Variants in JMY observed in about 807,000 individuals in gnomAD.
The protein encoded by JMY is junction-mediating and -regulatory protein.
In JMY, 46 loss-of-function variants were observed where a neutral mutation model predicts 103.3. The ratio of observed to expected loss-of-function variants is 0.45; its 90% CI spans 0.35 to 0.57. JMY has a LOEUF of 0.57. Among genes scored for constraint, JMY ranks in the 20% least tolerant of loss-of-function variants. The pLI is 0.00. For synonymous variants in JMY, 526 were observed against 489.3 expected, an observed-to-expected ratio of 1.07 and a Z score of -0.99; for missense variants, 1,238 against 1,255.2, an observed-to-expected ratio of 0.99 and a Z score of 0.21.
intron 7 of JMY, among the ~76,000 whole-genome samples, 179 bp downstream of exon 7, chr5:79,306,640 A>G (rs1257768201): frequency 6.6e-6 from 1 of 152,044 alleles, no homozygotes; most frequent in Admixed American, 6.6e-5. Context: ...TATACCCTCA[A>G]CCCGCACACG....
chr5:79,236,335 C>G lies in JMY; in HGVS notation c.-316C>G. ...CCGGAGCGCCGCAGACGCAGCTCCA[C>G]GGCCTCGCGCGGGGGGCGGCGGGCG... On this transcript the variant is annotated 5_prime_UTR_variant, in exon 1 of 11. Coordinates refer to ENST00000396137, the MANE Select transcript of JMY (RefSeq NM_152405.5). 4.6e-6 allele frequency: 1 copy of G among 216,714 alleles called. No homozygotes were observed. Among genetic ancestry groups the G allele is most frequent in the Non-Finnish European group, 9.0e-6 (1 of 110,610 alleles). 13.4% of individuals were successfully genotyped at this position (216,714 alleles called of 1,614,324 possible).
At chr5:79,268,365 A>G (rs1745644721) in intron 1 of JMY, among the ~76,000 whole-genome samples, 2 of 151,830 alleles carry the variant, frequency 1.3e-5, no homozygotes, top group African/African-American at 2.4e-5. Flanking sequence ...ATCCTCTAGC[A>G]TTTTCTGATG....
intron 2 of JMY, among the ~76,000 whole-genome samples, chr5:79,279,713 GC>G (rs1229105595): frequency 6.6e-5 from 10 of 152,248 alleles, no homozygotes; most frequent in Non-Finnish European, 1.2e-4. Flanking sequence ...TTGGAAAATA[GC>G]TGTGCTGTCA....
intron 1 of JMY, among the ~76,000 whole-genome samples, chr5:79,252,103 T>C (rs954252273): frequency 4.6e-5 from 7 of 152,214 alleles, no homozygotes; most frequent in East Asian, 1.9e-4. Flanking sequence ...TAGGCACTTA[T>C]AGCTATAAGT....
chr5:79,258,349 CT>C (rs1253181837), intron 1 of JMY, among the ~76,000 whole-genome samples: 1 of 131,036 alleles, frequency 7.6e-6, no homozygotes, highest in Admixed American at 9.2e-5. Flanking sequence ...CTCCCTCTGG[CT>C]GGAGTACAGT....
At chr5:79,273,774 T>A (rs761181948) in intron 1 of JMY, among the ~76,000 whole-genome samples, 8 of 152,134 alleles carry the variant, frequency 5.3e-5, no homozygotes, top group Non-Finnish European at 1.0e-4. Context: ...TCTCGGGTTG[T>A]GGGGGAAGAC....
chr5:79,316,898 TA>T (rs34558016), intron 10 of JMY, among the ~76,000 whole-genome samples: 419 of 83,620 alleles, frequency 5.0e-3, no homozygotes, highest in Admixed American at 0.013. Context: ...GACTCAGTCT[TA>T]AAAAAAAAAA....
At chr5:79,292,647 C>G (rs1746456930) in intron 4 of JMY, among the ~76,000 whole-genome samples, 1 of 152,116 alleles carries the variant, frequency 6.6e-6, no homozygotes, top group Non-Finnish European at 1.5e-5. Context: ...ATTGTTCTAA[C>G]CTGGCTAACA....
intron 1 of JMY, among the ~76,000 whole-genome samples, chr5:79,275,221 C>T (rs1271850355): frequency 2.0e-5 from 3 of 146,726 alleles, no homozygotes; most frequent in African/African-American, 5.1e-5. Context: ...AGTGCAGTGG[C>T]GCGATCTCAG....
intron 4 of JMY, among the ~76,000 whole-genome samples, chr5:79,299,351 T>G (rs1173908456): frequency 6.6e-6 from 1 of 152,172 alleles, no homozygotes; most frequent in Non-Finnish European, 1.5e-5. Context: ...TTTATCTGCC[T>G]TTTTCCGTAC....
intron 1 of JMY, among the ~76,000 whole-genome samples, chr5:79,276,005 A>G (rs1348275373): frequency 6.6e-6 from 1 of 152,234 alleles, no homozygotes; most frequent in Non-Finnish European, 1.5e-5. Flanking sequence ...ATGAAAAGGA[A>G]TAGAAGAATT....
chr5:79,242,336 A>AT (rs1442465629), intron 1 of JMY, among the ~76,000 whole-genome samples: 1 of 152,190 alleles, frequency 6.6e-6, no homozygotes, highest in Admixed American at 6.5e-5. Context: ...ATGTCTTAAG[A>AT]TTTGAGTAAG....
chr5:79,263,032 C>T (rs1745471296), intron 1 of JMY, among the ~76,000 whole-genome samples: 3 of 152,148 alleles, frequency 2.0e-5, no homozygotes, highest in South Asian at 4.1e-4. Context: ...TTTGAGGGTT[C>T]GCTTACTGTT....
chr5:79,302,694 G>A (rs1365322967), intron 6 of JMY, among the ~76,000 whole-genome samples: 1 of 152,212 alleles, frequency 6.6e-6, no homozygotes, highest in African/African-American at 2.4e-5. Context: ...TAACAAGCCT[G>A]AGCTTTGTCT....
chr5:79,301,672 G>A (rs971893288), intron 6 of JMY, among the ~76,000 whole-genome samples: 2 of 152,162 alleles, frequency 1.3e-5, no homozygotes, highest in African/African-American at 2.4e-5. Context: ...GCCATCCAGA[G>A]CCCTGGCTTT....
chr5:79,296,897 G>C (rs1746579608), intron 4 of JMY, among the ~76,000 whole-genome samples: 1 of 152,100 alleles, frequency 6.6e-6, no homozygotes, highest in African/African-American at 2.4e-5. Flanking sequence ...GTCAAAATAG[G>C]TATACATGAA....
chr5:79,273,993 G>C (rs917189245), intron 1 of JMY, among the ~76,000 whole-genome samples: 3 of 151,920 alleles, frequency 2.0e-5, no homozygotes, highest in Non-Finnish European at 4.4e-5. Flanking sequence ...ACCATGCCTG[G>C]CTAATTTTTG....
chr5:79,241,016 C>T (rs1340259198), intron 1 of JMY, among the ~76,000 whole-genome samples: 1 of 152,188 alleles, frequency 6.6e-6, no homozygotes, highest in Admixed American at 6.5e-5. Flanking sequence ...GTCCTTTGGT[C>T]ACTTACAATA....
intron 2 of JMY, among the ~76,000 whole-genome samples, chr5:79,280,263 C>T (rs1746068836): frequency 6.6e-6 from 1 of 152,218 alleles, no homozygotes; most frequent in Non-Finnish European, 1.5e-5. Context: ...CATTGTTTAG[C>T]AGACATAATC....
Sources: allele counts gnomAD v4.1 joint callset (sites outside exome capture counted in the v4.1 genomes callset), GRCh38; gene constraint gnomAD v4.1.1; transcripts MANE v1.5; gene names NCBI Gene and HGNC (gene_info 2026-07-23, HGNC 2026-07-21).